ZNF584: variants seen among roughly 807,000 people sequenced by gnomAD.
ZNF584 encodes zinc finger protein 584.
In ZNF584, 12 loss-of-function variants were observed where a neutral mutation model predicts 14.7. The ratio of observed to expected loss-of-function variants is 0.82; its 90% CI spans 0.52 to 1.32. The LOEUF (loss-of-function observed/expected upper bound fraction) is 1.32, where lower values mean the gene tolerates loss of function less well. Ranked by LOEUF, ZNF584 falls within the 40% of genes most tolerant of loss-of-function variation. The probability of loss-of-function intolerance (pLI) is 0.00; values close to 1 mark genes in which losing one functional copy is unlikely to be tolerated. For missense variants in ZNF584, 478 were observed against 518.8 expected, an observed-to-expected ratio of 0.92 and a Z score of 0.76; for synonymous variants, 204 against 190.9, an observed-to-expected ratio of 1.07 and a Z score of -0.57.
chr19:58,411,977 GTTTT>G (rs869258960), intron 2 of ZNF584, among the ~76,000 whole-genome samples: 16,938 of 87,970 alleles, frequency 0.19, 1,080 homozygotes, highest in Non-Finnish European at 0.24. Flanking sequence ...TATAATACTT[GTTTT>G]TTTTTTTTTT....
In ZNF584 at chr19:58,417,048, A is replaced by G. The variant is rs1233585296; in HGVS notation, c.530A>G (p.His177Arg). Residue 177 changes from histidine to arginine, a missense_variant, in exon 4 of 4, where the codon CAT becomes CGT. By Grantham distance (29) the His-to-Arg change is conservative. Transcript: ENST00000306910. Reference sequence around the variant, plus strand: ...TTAAAGGCCTTTGCCCTCCTTGACCATCTGATAACGCATTCTGAAGAGAGA... The same window carrying G: ...TTAAAGGCCTTTGCCCTCCTTGACCGTCTGATAACGCATTCTGAAGAGAGA... Reference protein sequence around the residue: ...VFLKAFALLDHLITHSEERPF... With the variant: ...VFLKAFALLDRLITHSEERPF... The G allele has an allele frequency of 2.5e-6, 4 of 1,612,276 alleles. No homozygotes were observed. Among genetic ancestry groups the G allele is most frequent in the Non-Finnish European group, 3.4e-6 (4 of 1,178,798 alleles).
chr19:58,410,617 A>ATATATGTG (rs1568584695), intron 2 of ZNF584, among the ~76,000 whole-genome samples: 1 of 46,044 alleles, frequency 2.2e-5, no homozygotes, highest in East Asian at 4.1e-4. Context: ...ATATATGTGT[A>ATATATGTG]TATATGTGTA....
At position 58,415,578 on chromosome 19, in the gene ZNF584, C is replaced by A; in HGVS notation, c.224C>A (p.Ser75Ter). 6.2e-7 allele frequency: 1 copy of A among 1,614,054 alleles called. No homozygotes were observed. The highest frequency in any genetic ancestry group is 1.1e-5 in the South Asian group (1 of 91,024). The change falls in exon 3 of 4, where the codon TCG (serine) becomes TAG (stop). Residue 75 changes from serine (S) to a stop codon, truncating the protein, a stop_gained. Coordinates refer to ENST00000306910, the MANE Select transcript of ZNF584 (RefSeq NM_173548.3). LOFTEE classifies it high-confidence loss of function. Reference sequence around the variant, plus strand: ...ACCCAGCTGGAGGATGATGAACAGTCGTGGGTGCCCAGCTGGGTGGATGTG... The same window carrying A: ...ACCCAGCTGGAGGATGATGAACAGTAGTGGGTGCCCAGCTGGGTGGATGTG... Reference protein sequence around the residue: ...VFTQLEDDEQSWVPSWVDVTP... With the variant: ...VFTQLEDDEQ
At chr19:58,401,884 T>TAAAAAAAAAAAA (rs1448446745) in intron 1 of ZNF584, among the ~76,000 whole-genome samples, 1 of 16,352 alleles carries the variant, frequency 6.1e-5, no homozygotes, top group African/African-American at 1.2e-3. Flanking sequence ...GTGAGACTCC[T>TAAAAAAAAAAAA]CAAAAAAAAA....
At chr19:58,405,079 G>A, upstream of ZNF584, 1 of 146,222 alleles carries the variant, frequency 6.8e-6, no homozygotes, top group Non-Finnish European at 1.5e-5. Context: ...GGGGCGGCTG[G>A]CCGGGCAGAG....
chr19:58,409,824 A>G lies in ZNF584; in HGVS notation c.19-117A>G, dbSNP rs773129253. The G allele has an allele frequency of 4.5e-4, 563 of 1,250,436 alleles. 1 individual carries two copies. The highest frequency in any genetic ancestry group is 5.9e-4 in the Non-Finnish European group (508 of 859,546). 77.5% of individuals were successfully genotyped at this position (1,250,436 alleles called of 1,614,324 possible). Reference sequence around the variant, plus strand: ...AGGTGGGGAAGAGTTTAGAGCTCATAGGGAAAGATAATGTCAGGGGGAGAT... The same window carrying G: ...AGGTGGGGAAGAGTTTAGAGCTCATGGGGAAAGATAATGTCAGGGGGAGAT... On this transcript the variant is annotated intron_variant, in intron 1 of 3. Coordinates refer to ENST00000306910, the MANE Select transcript of ZNF584 (RefSeq NM_173548.3).
upstream of ZNF584, chr19:58,405,590 G>A (rs2052464730): frequency 4.6e-5 from 8 of 173,350 alleles, no homozygotes; most frequent in Non-Finnish European, 7.4e-5. Flanking sequence ...CTTCTCAGAC[G>A]GGGCGGCTGC....
At chr19:58,416,683 T>G in intron 3 of ZNF584, 128 bp from the exon 4 acceptor site, 31 of 1,254,630 alleles carry the variant, frequency 2.5e-5, no homozygotes, top group Non-Finnish European at 2.8e-5. Context: ...ATTACAGGCG[T>G]GAGCCACCAC....
rs183965368 is a variant in ZNF584 at position 58,418,086 on chromosome 19, C to G, written c.*302C>G. The G allele has an allele frequency of 1.4e-3, 482 of 343,166 alleles. 2 individuals are homozygous for G. Among genetic ancestry groups the G allele is most frequent in the Middle Eastern group, 4.1e-3 (5 of 1,226 alleles). The allele number at this position is 343,166 out of a possible 1,614,324, so 21.3% of individuals were successfully genotyped here. On this transcript the variant is annotated 3_prime_UTR_variant, in exon 4 of 4. Coordinates refer to ENST00000306910, the MANE Select transcript of ZNF584 (RefSeq NM_173548.3). ...CTCCTTGCTCTAAACAGTAGAGAATCGTTAATAGTGGAGCCCAAAACAGGC... is the reference window on the plus strand; with the variant it reads ...CTCCTTGCTCTAAACAGTAGAGAATGGTTAATAGTGGAGCCCAAAACAGGC...
chr19:58,409,025 G>A lies in ZNF584; in HGVS notation c.-123G>A, dbSNP rs2052505062. On this transcript the variant is annotated 5_prime_UTR_variant, in exon 1 of 4. Transcript: ENST00000306910. ...GGGAAGCGGTTCCCTGTCTTCGGACGCATTTCACCCGCGCGGGGAGAGCTT... is the reference window on the plus strand; with the variant it reads ...GGGAAGCGGTTCCCTGTCTTCGGACACATTTCACCCGCGCGGGGAGAGCTT... The A allele has an allele frequency of 4.0e-6, 5 of 1,253,360 alleles. No individual in the cohort carries two copies. In the South Asian group the frequency reaches 5.0e-5, roughly 13 times the overall value. The allele number at this position is 1,253,360 out of a possible 1,614,324, so 77.6% of individuals were successfully genotyped here. A position where few individuals can be genotyped will look rare whatever the true frequency, so the allele number is the denominator to read the frequency against.
Position 58,410,633 on chromosome 19 carries a change from G to A in ZNF584, c.169+542G>A, listed in dbSNP as rs189682138. Among the ~76,000 whole-genome samples, 20 of 19,038 alleles carry A rather than the reference G, an allele frequency of 1.1e-3. 1 individual carries two copies. Among genetic ancestry groups the A allele is most frequent in the Middle Eastern group, 0.018 (1 of 56 alleles). The allele number at this position is 19,038 out of a possible 152,430, so 12.5% of individuals were successfully genotyped here. On this transcript the variant is annotated intron_variant, in intron 2 of 3. Coordinates refer to ENST00000306910, the MANE Select transcript of ZNF584 (RefSeq NM_173548.3). ...TATATGTGTATATATGTGTATATAT[G>A]TGTATATATATGTGTATATATGTGT...
chr19:58,402,501 A>G (rs2052437751), intron 1 of ZNF584, among the ~76,000 whole-genome samples: 1 of 152,222 alleles, frequency 6.6e-6, no homozygotes, highest in South Asian at 2.1e-4. Context: ...AAAACAATTT[A>G]CATACCATAT....
upstream of ZNF584, chr19:58,408,452 A>C (rs1027613252): frequency 6.6e-6 from 1 of 152,346 alleles, no homozygotes; most frequent in East Asian, 1.9e-4. Flanking sequence ...CCCACCGCCC[A>C]ATGATCCCAC....
chr19:58,417,905 CGTGTGTGCCTG>C lies in ZNF584; in HGVS notation c.*129_*139del. ...CAACACCCACCCCAGGGAGAGTTCC[CGTGTGTGCCTG>C]GTGTGTGGGACGCTTTCGGGAGCCA... On this transcript the variant is annotated 3_prime_UTR_variant, in exon 4 of 4. Transcript: ENST00000306910. 7.8e-7 allele frequency: 1 copy of C among 1,284,890 alleles called. No homozygotes were observed. Among genetic ancestry groups the C allele is most frequent in the Non-Finnish European group, 1.1e-6 (1 of 934,466 alleles). The allele number at this position is 1,284,890 out of a possible 1,614,324, so 79.6% of individuals were successfully genotyped here. A position where few individuals can be genotyped will look rare whatever the true frequency, so the allele number is the denominator to read the frequency against.
At chr19:58,412,004 CAG>C (rs1284378822) in intron 2 of ZNF584, among the ~76,000 whole-genome samples, 2 of 106,552 alleles carry the variant, frequency 1.9e-5, no homozygotes, top group Non-Finnish European at 3.6e-5. Flanking sequence ...TTTTTTTAGA[CAG>C]AGTCTTACTC....
In ZNF584 at chr19:58,417,419, A is replaced by G. The variant is rs7257872; in HGVS notation, c.901A>G (p.Thr301Ala). The change falls in exon 4 of 4, where the codon ACA (threonine) becomes GCA (alanine). Residue 301 changes from threonine (T) to alanine (A), a missense_variant. Physicochemically the swap from Thr to Ala is moderately conservative, Grantham distance 58. Transcript: ENST00000306910. ...CATTGGAGAAAGGCCCTATGAGTGTACAGAATGTGGGAAGTTCTTTAAATA... is the reference window on the plus strand; with the variant it reads ...CATTGGAGAAAGGCCCTATGAGTGTGCAGAATGTGGGAAGTTCTTTAAATA... ...VHIGERPYEC[T>A]ECGKFFKYNN... 431,280 of 1,613,900 alleles carry G rather than the reference A, an allele frequency of 0.27. 59,792 individuals are homozygous for G. The highest frequency in any genetic ancestry group is 0.45 in the African/African-American group (33,908 of 74,942).
At chr19:58,405,469 C>T (rs566371289), upstream of ZNF584, 164 of 157,812 alleles carry the variant, frequency 1.0e-3, no homozygotes, top group African/African-American at 3.6e-3. Flanking sequence ...CCCTCCCGGA[C>T]GAGGTGGCTG....
chr19:58,410,914 C>T (rs1428482517), intron 2 of ZNF584, among the ~76,000 whole-genome samples: 1 of 146,594 alleles, frequency 6.8e-6, no homozygotes, highest in Non-Finnish European at 1.5e-5. Flanking sequence ...GCCTCAGTCT[C>T]CCGAGTAGCT....
chr19:58,417,953 G>A lies in ZNF584; in HGVS notation c.*169G>A. On this transcript the variant is annotated 3_prime_UTR_variant, in exon 4 of 4. Coordinates refer to ENST00000306910, the MANE Select transcript of ZNF584 (RefSeq NM_173548.3). The stretch of plus-strand genomic sequence containing the variant: ...GCTTTCGGGAGCCACATTGCACTCT[G>A]ACTTGCCTGGGGCTGTTGGCAGTGT... The A allele has an allele frequency of 1.3e-6, 1 of 768,088 alleles. No homozygotes were observed. 47.6% of individuals were successfully genotyped at this position (768,088 alleles called of 1,614,324 possible).
Sources: gnomAD v4.1 joint callset for allele counts (sites outside exome capture counted in the v4.1 genomes callset) on GRCh38, gnomAD v4.1.1 for gene constraint, MANE v1.5 for transcripts, NCBI Gene and HGNC (gene_info 2026-07-23, HGNC 2026-07-21) for gene names.